RBFOX1: variants seen among roughly 807,000 people sequenced by gnomAD.
RBFOX1 encodes the protein RNA binding fox-1 homolog 1.
RBFOX1 carries 8 observed loss-of-function variants against 57.7 expected under a neutral mutation model. The observed-to-expected ratio is 0.14, with a 90% CI of 0.08 to 0.25. The LOEUF (loss-of-function observed/expected upper bound fraction) is 0.25. RBFOX1 is among the 10% of genes least tolerant of loss of function. The probability of loss-of-function intolerance (pLI) is 1.00; values close to 1 mark genes in which losing one functional copy is unlikely to be tolerated. For missense variants in RBFOX1, 611 were observed against 548.5 expected (o/e 1.11, Z -1.14); for synonymous variants, 326 against 222.4 (o/e 1.47, Z -4.15).
intron 2 of RBFOX1, among the ~76,000 whole-genome samples, chr16:5,591,324 T>A (rs1467329133): frequency 6.6e-6 from 1 of 151,514 alleles, no homozygotes; most frequent in Non-Finnish European, 1.5e-5. Context: ...TGATTTCAGC[T>A]CACTGCAACA....
intron 4 of RBFOX1, among the ~76,000 whole-genome samples, chr16:7,449,808 T>C (rs912441613): frequency 2.7e-4 from 41 of 149,938 alleles, no homozygotes; most frequent in African/African-American, 9.6e-4. Context: ...TTCTGTGACA[T>C]AAAGAGAACA....
At chr16:6,441,781 A>G (rs576365800) in intron 2 of RBFOX1, among the ~76,000 whole-genome samples, 166 of 152,168 alleles carry the variant, frequency 1.1e-3, no homozygotes, top group Admixed American at 2.5e-3. Context: ...CCCATGTTTT[A>G]CGTCTCACAG....
chr16:5,493,350 A>T (rs544831924), intron 2 of RBFOX1, among the ~76,000 whole-genome samples: 1 of 152,142 alleles, frequency 6.6e-6, no homozygotes, highest in Admixed American at 6.5e-5. Context: ...ATGACCCACC[A>T]TGCTTGTCTG....
At chr16:6,445,235 T>A (rs916811397) in intron 2 of RBFOX1, among the ~76,000 whole-genome samples, 3 of 151,320 alleles carry the variant, frequency 2.0e-5, no homozygotes, top group African/African-American at 4.8e-5. Context: ...TCCTTTTTTT[T>A]ATATATATAA....
chr16:7,443,479 G>T (rs201202280), intron 4 of RBFOX1, among the ~76,000 whole-genome samples: 2 of 149,668 alleles, frequency 1.3e-5, no homozygotes, highest in Non-Finnish European at 3.0e-5. Flanking sequence ...TCAGTTCAGC[G>T]TTTGACTGGT....
intron 2 of RBFOX1, among the ~76,000 whole-genome samples, chr16:6,606,527 C>T (rs2097928896): frequency 6.6e-6 from 1 of 152,154 alleles, no homozygotes; most frequent in African/African-American, 2.4e-5. Flanking sequence ...CCTCCTTCCC[C>T]TCTACGAGGC....
intron 4 of RBFOX1, among the ~76,000 whole-genome samples, chr16:7,414,716 C>T (rs572588193): frequency 6.6e-6 from 1 of 152,330 alleles, no homozygotes; most frequent in South Asian, 2.1e-4. Flanking sequence ...CTCCCGGGTT[C>T]AAGCGATTCT....
chr16:5,502,544 G>A (rs2043235706), intron 2 of RBFOX1, among the ~76,000 whole-genome samples: 1 of 152,188 alleles, frequency 6.6e-6, no homozygotes, highest in African/African-American at 2.4e-5. Context: ...TGCTGTTACT[G>A]TAGGTGGCAG....
At chr16:6,917,790 G>T (rs763880785) in intron 3 of RBFOX1, among the ~76,000 whole-genome samples, 5 of 152,194 alleles carry the variant, frequency 3.3e-5, no homozygotes, top group Non-Finnish European at 7.3e-5. Context: ...GTGGATCTCA[G>T]TAGCAGACCT....
At chr16:6,501,314 C>T (rs1290207128) in intron 2 of RBFOX1, among the ~76,000 whole-genome samples, 9 of 129,496 alleles carry the variant, frequency 7.0e-5, no homozygotes, top group Non-Finnish European at 9.7e-5. Flanking sequence ...CAACAGTCCC[C>T]GGTGTGTGAT....
intron 3 of RBFOX1, among the ~76,000 whole-genome samples, chr16:6,738,116 A>T (rs953900378): frequency 6.6e-6 from 1 of 151,594 alleles, no homozygotes; most frequent in African/African-American, 2.4e-5. Context: ...CCTCTTGTCA[A>T]GATGGTGTAA....
At chr16:6,817,532 TAA>T (rs71145302) in intron 3 of RBFOX1, among the ~76,000 whole-genome samples, 41,045 of 127,352 alleles carry the variant, frequency 0.32, 7,164 homozygotes, top group Non-Finnish European at 0.42. Context: ...TTTCTTTGCT[TAA>T]AAAAAAAAAA....
intron 1 of RBFOX1, among the ~76,000 whole-genome samples, chr16:5,356,538 G>A (rs955662353): frequency 6.6e-6 from 1 of 152,176 alleles, no homozygotes; most frequent in Non-Finnish European, 1.5e-5. Context: ...TGGATTGTCA[G>A]TTTATTTCTA....
At chr16:6,746,596 T>C (rs1293073398) in intron 3 of RBFOX1, among the ~76,000 whole-genome samples, 1 of 151,964 alleles carries the variant, frequency 6.6e-6, no homozygotes, top group Admixed American at 6.6e-5. Context: ...GGGGATCACC[T>C]GAACCTGGGA....
intron 1 of RBFOX1, among the ~76,000 whole-genome samples, chr16:6,242,348 A>G (rs556297694): frequency 6.6e-6 from 1 of 152,174 alleles, no homozygotes; most frequent in African/African-American, 2.4e-5. Flanking sequence ...TCTATGGTCT[A>G]TTGCATTCTG....
intron 4 of RBFOX1, among the ~76,000 whole-genome samples, chr16:7,413,608 C>T (rs998957841): frequency 1.3e-5 from 2 of 152,040 alleles, no homozygotes; most frequent in East Asian, 1.9e-4. Flanking sequence ...CCCTGCCTGC[C>T]CCTTTGCTTG....
intron 1 of RBFOX1, among the ~76,000 whole-genome samples, chr16:6,222,794 G>A (rs1030108449): frequency 5.9e-5 from 9 of 151,612 alleles, no homozygotes; most frequent in African/African-American, 2.2e-4. Flanking sequence ...GTGGTGTGCT[G>A]CACCCATTAA....
At chr16:6,971,321 G>A (rs1446425085) in intron 3 of RBFOX1, among the ~76,000 whole-genome samples, 1 of 152,156 alleles carries the variant, frequency 6.6e-6, no homozygotes, top group Admixed American at 6.6e-5. Flanking sequence ...GTCAGCCACA[G>A]AAACATCCAT....
At chr16:6,827,310 A>C (rs1308602262) in intron 3 of RBFOX1, among the ~76,000 whole-genome samples, 1 of 152,200 alleles carries the variant, frequency 6.6e-6, no homozygotes, top group East Asian at 1.9e-4. Context: ...GGCGTAAGAA[A>C]GTGGTTACAG....
Sources: allele counts gnomAD v4.1 joint callset (sites outside exome capture counted in the v4.1 genomes callset), GRCh38; gene constraint gnomAD v4.1.1; transcripts MANE v1.5; gene names NCBI Gene and HGNC (gene_info 2026-07-23, HGNC 2026-07-21).